LYRM4: variants seen among roughly 807,000 people sequenced by gnomAD.
LYRM4 encodes the protein LYR motif containing 4.
Under a neutral mutation model 11.7 loss-of-function variants are expected in LYRM4, and 9 were observed. The ratio of observed to expected loss-of-function variants is 0.77; its 90% CI spans 0.46 to 1.34. The LOEUF (loss-of-function observed/expected upper bound fraction) is 1.34. LYRM4 is among the 40% of genes most tolerant of loss of function. The probability of loss-of-function intolerance (pLI) is 0.00; values close to 1 mark genes in which losing one functional copy is unlikely to be tolerated. For synonymous variants in LYRM4, 42 were observed against 40.4 expected, an observed-to-expected ratio of 1.04 and a Z score of -0.15; for missense variants, 133 against 112.5, an observed-to-expected ratio of 1.18 and a Z score of -0.82.
At chr6:5,175,707 A>C (rs1262773487) in intron 2 of LYRM4, among the ~76,000 whole-genome samples, 1 of 152,170 alleles carries the variant, frequency 6.6e-6, no homozygotes, top group Non-Finnish European at 1.5e-5. Context: ...TTTGACCAAA[A>C]AAATATGGCA....
chr6:5,039,772 A>C, the LYRM4 span, among the ~76,000 whole-genome samples: 1 of 152,216 alleles, frequency 6.6e-6, no homozygotes, highest in Non-Finnish European at 1.5e-5. Flanking sequence ...AATTTAAATG[A>C]GGTGAAAAGG....
chr6:5,073,610 T>C, the LYRM4 span, among the ~76,000 whole-genome samples: 5 of 148,732 alleles, frequency 3.4e-5, no homozygotes, highest in East Asian at 5.8e-4. Flanking sequence ...CTGTATAATA[T>C]ATAATCCTAT....
chr6:5,080,073 C>T, the LYRM4 span, among the ~76,000 whole-genome samples: 1 of 152,134 alleles, frequency 6.6e-6, no homozygotes, highest in Non-Finnish European at 1.5e-5. Flanking sequence ...ATCAGGTCCT[C>T]GACATTGAAA....
chr6:5,064,152 T>C, the LYRM4 span, among the ~76,000 whole-genome samples: 1 of 152,118 alleles, frequency 6.6e-6, no homozygotes, highest in South Asian at 2.1e-4. Context: ...GAATGTTCTT[T>C]ATTCCAAAGT....
intron 1 of LYRM4, among the ~76,000 whole-genome samples, chr6:5,258,951 G>T (rs533807944): frequency 6.6e-6 from 1 of 152,160 alleles, no homozygotes; most frequent in East Asian, 1.9e-4. Context: ...ATTTGAAAAC[G>T]CTTGGGCCTC....
chr6:5,221,459 CCA>C (rs1762577121), intron 1 of LYRM4, among the ~76,000 whole-genome samples: 1 of 152,168 alleles, frequency 6.6e-6, no homozygotes, highest in African/African-American at 2.4e-5. Flanking sequence ...CTCTGGGAGG[CCA>C]AGGCGGGCGG....
chr6:5,032,109 A>G, the LYRM4 span: 90 of 152,328 alleles, frequency 5.9e-4, 1 homozygote, highest in African/African-American at 2.0e-3. Context: ...ATGCAGTTAG[A>G]TAATATTTAC....
intron 1 of LYRM4, among the ~76,000 whole-genome samples, chr6:5,229,145 G>A (rs188899236): frequency 8.5e-5 from 13 of 152,112 alleles, no homozygotes; most frequent in Non-Finnish European, 1.3e-4. Flanking sequence ...AGTAGACACA[G>A]CTAAGACAAT....
chr6:5,184,004 A>G (rs1760231490), intron 2 of LYRM4, among the ~76,000 whole-genome samples: 1 of 152,254 alleles, frequency 6.6e-6, no homozygotes, highest in South Asian at 2.1e-4. Context: ...CTAACAAAAC[A>G]TCATGTTGCA....
intron 2 of LYRM4, chr6:5,148,318 C>T (rs1488305080): frequency 6.5e-6 from 1 of 154,920 alleles, no homozygotes; most frequent in African/African-American, 2.4e-5. Flanking sequence ...TACCCAGTGC[C>T]TCAATATTCA....
intron 2 of LYRM4, among the ~76,000 whole-genome samples, chr6:5,184,643 T>C (rs1378818182): frequency 6.6e-6 from 1 of 152,160 alleles, no homozygotes; most frequent in African/African-American, 2.4e-5. Flanking sequence ...AGCTCATGAG[T>C]TCATGCTTTT....
chr6:5,250,044 A>T (rs191221689), intron 1 of LYRM4, among the ~76,000 whole-genome samples: 1 of 152,372 alleles, frequency 6.6e-6, no homozygotes, highest in East Asian at 1.9e-4. Flanking sequence ...CTACTGCAAC[A>T]AAGAATAATT....
Position 5,108,501 on chromosome 6 carries a change from T to C in LYRM4, c.*922A>G. The C allele has an allele frequency of 1.3e-6, 1 of 771,202 alleles. No homozygotes were observed. Among genetic ancestry groups the C allele is most frequent in the South Asian group, 5.8e-5 (1 of 17,228 alleles). The allele number at this position is 771,202 out of a possible 1,614,324, so 47.8% of individuals were successfully genotyped here. On this transcript the variant is annotated 3_prime_UTR_variant, in exon 3 of 3. Coordinates refer to ENST00000330636, the MANE Select transcript of LYRM4 (RefSeq NM_020408.6). Reference sequence around the variant, plus strand: ...CCAGTTGGTTAAACATTGAAAACAGTGGGAGAGCTTCAGAATAGAGAAAAA... The same window carrying C: ...CCAGTTGGTTAAACATTGAAAACAGCGGGAGAGCTTCAGAATAGAGAAAAA...
At chr6:5,238,588 C>G (rs1434496775) in intron 1 of LYRM4, among the ~76,000 whole-genome samples, 2 of 152,110 alleles carry the variant, frequency 1.3e-5, no homozygotes, top group African/African-American at 2.4e-5. Context: ...TTGACTTGTT[C>G]TTTTTTCCTT....
chr6:5,191,860 A>T (rs2127692325), intron 2 of LYRM4, among the ~76,000 whole-genome samples: 1 of 152,308 alleles, frequency 6.6e-6, no homozygotes, highest in East Asian at 1.9e-4. Flanking sequence ...GGGCCTCCTG[A>T]TGTGGTGCAC....
the LYRM4 span, among the ~76,000 whole-genome samples, chr6:5,049,673 T>A: frequency 8.8e-6 from 1 of 114,220 alleles, no homozygotes; most frequent in Non-Finnish European, 1.7e-5. Context: ...GGCAGTGTCA[T>A]TTTTTTTTTT....
chr6:5,121,030 T>C (rs1033142146), intron 2 of LYRM4, among the ~76,000 whole-genome samples: 2 of 152,208 alleles, frequency 1.3e-5, no homozygotes, highest in African/African-American at 4.8e-5. Context: ...CTAGCGTCCC[T>C]GAATGAGAAG....
At chr6:5,198,229 CAACT>C (rs1312172403) in intron 2 of LYRM4, among the ~76,000 whole-genome samples, 6 of 151,970 alleles carry the variant, frequency 3.9e-5, no homozygotes, top group South Asian at 2.1e-4. Flanking sequence ...AAAGGGAGGG[CAACT>C]AACTGAGTTT....
chr6:5,070,024 T>C, the LYRM4 span, among the ~76,000 whole-genome samples: 1 of 152,186 alleles, frequency 6.6e-6, no homozygotes, highest in Non-Finnish European at 1.5e-5. Flanking sequence ...GGCTTAGCAA[T>C]TTGCATGAAT....
Sources: allele counts gnomAD v4.1 joint callset (sites outside exome capture counted in the v4.1 genomes callset), GRCh38; gene constraint gnomAD v4.1.1; transcripts MANE v1.5; gene names NCBI Gene and HGNC (gene_info 2026-07-23, HGNC 2026-07-21).